Variants in PAQR6 observed in about 807,000 individuals in gnomAD.
PAQR6 encodes the protein membrane progestin receptor delta.
A neutral mutation model predicts 36.2 loss-of-function variants in PAQR6; 34 were observed. That is an observed-to-expected ratio of 0.94 (90% confidence interval 0.71 to 1.25). The LOEUF is 1.25. PAQR6 is among the 50% of genes most tolerant of loss of function. PAQR6 has a pLI of 0.00. For missense variants in PAQR6, 431 were observed against 445.7 expected, an observed-to-expected ratio of 0.97 and a Z score of 0.30; for synonymous variants, 190 against 190.7, an observed-to-expected ratio of 1.00 and a Z score of 0.03.
intron 1 of PAQR6, 120 bp downstream of exon 1, chr1:156,247,837 G>A (rs1660894071): frequency 5.8e-6 from 2 of 344,844 alleles, no homozygotes; most frequent in South Asian, 2.4e-5. Flanking sequence ...TTAGTAGTAG[G>A]GTTTGGAGAT....
At chr1:156,246,844 GC>G in intron 1 of PAQR6, 88 bp from the exon 2 acceptor site, 2 of 1,166,018 alleles carry the variant, frequency 1.7e-6, no homozygotes, top group Non-Finnish European at 2.4e-6. Context: ...GATGGGCTGT[GC>G]GTGTGGGAGG....
rs1204172082 is a variant in PAQR6 at position 156,245,867 on chromosome 1, G to A, written c.300C>T (p.Cys100=). ...PACLYPFASC[C]AHTFSSMSPR... is the part of the protein sequence containing the mutation. ...GCGACATGGAGCTGAAGGTGTGCGC[G>A]CAGCACGACGCGAAGGGGTAGAGGC... The change falls in exon 4 of 8, where the codon TGC becomes TGT. Residue 100 remains cysteine (C), a synonymous_variant. Coordinates refer to ENST00000292291, the MANE Select transcript of PAQR6 (RefSeq NM_198406.3). The A allele has an allele frequency of 1.9e-6, 3 of 1,602,284 alleles. No homozygotes were observed. Among genetic ancestry groups the A allele is most frequent in the Non-Finnish European group, 2.6e-6 (3 of 1,175,278 alleles).
intron 2 of PAQR6, 46 bp from the exon 3 acceptor site, chr1:156,246,296 T>C: frequency 6.6e-7 from 1 of 1,521,914 alleles, no homozygotes; most frequent in Non-Finnish European, 9.0e-7. Context: ...GCCCGGACCC[T>C]TTCCCTCCAT....
chr1:156,245,430 C>T, intron 5 of PAQR6, 105 bp downstream of exon 5: 2 of 1,522,916 alleles, frequency 1.3e-6, no homozygotes, highest in South Asian at 1.2e-5. Context: ...AGGAAGTCCT[C>T]AGTACATGGT....
rs1461520549 is a variant in PAQR6, at chr1:156,246,992, G to A, written c.-25-236C>T. On this transcript the variant is annotated intron_variant, in intron 1 of 7. Transcript: ENST00000292291. ...AGTCCCCACACTGAGGGGCTTGGCG[G>A]CCTCAGCCCAGCAAAGAGTGGCGGG... Among the ~76,000 whole-genome samples, 8 of 152,262 alleles carry A rather than the reference G, an allele frequency of 5.3e-5. No homozygotes were observed. In the East Asian group the frequency reaches 1.5e-3, roughly 29 times the overall value.
At position 156,243,865 on chromosome 1, in the gene PAQR6, C is replaced by A; in HGVS notation, c.*264G>T. On this transcript the variant is annotated 3_prime_UTR_variant, in exon 8 of 8. Coordinates refer to ENST00000292291, the MANE Select transcript of PAQR6 (RefSeq NM_198406.3). ...TGACAGAATATAGGGGCATCTTCAG[C>A]CTGGACACGCATGCATCTCCCCTCT... 6.3e-7 allele frequency: 1 copy of A among 1,593,030 alleles called. No homozygotes were observed. Among genetic ancestry groups the A allele is most frequent in the Non-Finnish European group, 8.6e-7 (1 of 1,165,388 alleles).
chr1:156,244,305 C>T lies in PAQR6; in HGVS notation c.859G>A (p.Ala287Thr), dbSNP rs1209232934. 1 of 1,612,980 alleles carries T rather than the reference C, an allele frequency of 6.2e-7. No individual in the cohort carries two copies. The highest frequency in any genetic ancestry group is 8.5e-7 in the Non-Finnish European group (1 of 1,179,828). The change falls in exon 8 of 8, where the codon GCC (alanine) becomes ACC (threonine). Residue 287 changes from alanine (A) to threonine (T), a missense_variant. Coordinates refer to ENST00000292291, the MANE Select transcript of PAQR6 (RefSeq NM_198406.3). ...AGGCCCAGGGCAGGTTCCTGTGTGG[C>T]CAGCCAGGCTCTGCGTGATCCCATA... Reference protein sequence around the residue: ...ADMGSRRAWLATQEPALGLAG... With the variant: ...ADMGSRRAWLTTQEPALGLAG...
In PAQR6 at chr1:156,245,611, C is replaced by G; in HGVS notation, c.436G>C (p.Gly146Arg). Reference protein sequence around the residue: ...AYSMPASWLHGHLHQFFVPAA... With the variant: ...AYSMPASWLHRHLHQFFVPAA... Reference sequence around the variant, plus strand: ...GGCACAAAGAACTGGTGCAGGTGGCCGTGCAGCCAGGAGGCCGGCATGGAG... The same window carrying G: ...GGCACAAAGAACTGGTGCAGGTGGCGGTGCAGCCAGGAGGCCGGCATGGAG... Residue 146 changes from glycine (G) to arginine (R), a missense_variant, in exon 5 of 8, where the codon GGC becomes CGC. By Grantham distance (125) the Gly-to-Arg change is moderately radical. Transcript: ENST00000292291. The G allele has an allele frequency of 6.2e-7, 1 of 1,613,190 alleles. No homozygotes were observed. The highest frequency in any genetic ancestry group is 8.5e-7 in the Non-Finnish European group (1 of 1,179,996).
chr1:156,245,465 G>A, intron 5 of PAQR6, 70 bp downstream of exon 5: 1 of 1,586,844 alleles, frequency 6.3e-7, no homozygotes, highest in Non-Finnish European at 8.6e-7. Context: ...TGCTGTTCGA[G>A]AGCAGTGAGG....
intron 6 of PAQR6, 48 bp downstream of exon 6, chr1:156,245,094 T>C (rs1165897619): frequency 6.2e-7 from 1 of 1,604,014 alleles, no homozygotes; most frequent in East Asian, 2.2e-5. Flanking sequence ...ACCTTGAGGG[T>C]CAGGACAGGA....
chr1:156,244,733 T>TC, intron 7 of PAQR6, 28 bp downstream of exon 7: 1 of 1,613,710 alleles, frequency 6.2e-7, no homozygotes, highest in Non-Finnish European at 8.5e-7. Context: ...CCCTGCCTCT[T>TC]CCCGGGCCGG....
intron 1 of PAQR6, 138 bp from the exon 2 acceptor site, chr1:156,246,894 C>T: frequency 1.4e-6 from 1 of 692,372 alleles, no homozygotes; most frequent in Non-Finnish European, 2.4e-6. Flanking sequence ...TTCCTTCAGG[C>T]CTGGGGAAGC....
chr1:156,245,082 G>A, intron 6 of PAQR6, 60 bp downstream of exon 6: 1 of 1,602,572 alleles, frequency 6.2e-7, no homozygotes, highest in East Asian at 2.2e-5. Flanking sequence ...CTGGAAGTGG[G>A]CACCTTGAGG....
At position 156,244,731 on chromosome 1, in the gene PAQR6, C is replaced by T. The variant is rs1659984980; in HGVS notation, c.760+30G>A. ...TCTGGGAAGGCATCTGCCCCTGCCT[C>T]TTCCCGGGCCGGGCCAGGCGTGCCC... On this transcript the variant is annotated intron_variant, in intron 7 of 7. Transcript: ENST00000292291. The T allele has an allele frequency of 4.3e-6, 7 of 1,613,698 alleles. No homozygotes were observed. The South Asian group carries it at 4.4e-5, about 10-fold the overall frequency.
In PAQR6 at chr1:156,245,205, C is replaced by G; in HGVS notation, c.546G>C (p.Lys182Asn). ...AGGCGAAGGCTCCTGTGCGGAGGAC[C>G]TTACTGAGCCCAGGGCTTTCCAGCT... ...FLELESPGLS[K>N]VLRTGAFAYP... Residue 182 changes from lysine (K) to asparagine (N), a missense_variant, in exon 6 of 8, where the codon AAG becomes AAC. Transcript: ENST00000292291. 6.2e-7 allele frequency: 1 copy of G among 1,614,138 alleles called. No homozygotes were observed. Among genetic ancestry groups the G allele is most frequent in the Non-Finnish European group, 8.5e-7 (1 of 1,180,026 alleles).
rs572442359 is a variant in PAQR6 at position 156,246,555 on chromosome 1, T to C, written c.51+126A>G. On this transcript the variant is annotated intron_variant, in intron 2 of 7. Transcript: ENST00000292291. ...AGAGAACAGAGGAAGAGTCTCACAC[T>C]GGAATGGGAGGGTAAGAGTTCGCCT... 85 of 1,119,794 alleles carry C rather than the reference T, an allele frequency of 7.6e-5. 1 individual carries two copies. The South Asian group carries it at 1.2e-3, about 16-fold the overall frequency. 69.4% of individuals were successfully genotyped at this position (1,119,794 alleles called of 1,614,324 possible).
In PAQR6 at chr1:156,243,839, T is replaced by C. The variant is rs748100466; in HGVS notation, c.*290A>G. ...CCCCAACACCTCCCCCCGCCAACCTTTGACAGAATATAGGGGCATCTTCAG... is the reference window on the plus strand; with the variant it reads ...CCCCAACACCTCCCCCCGCCAACCTCTGACAGAATATAGGGGCATCTTCAG... On this transcript the variant is annotated 3_prime_UTR_variant, in exon 8 of 8. Coordinates refer to ENST00000292291, the MANE Select transcript of PAQR6 (RefSeq NM_198406.3). 3.2e-6 allele frequency: 5 copies of C among 1,553,568 alleles called. No homozygotes were observed. The highest frequency in any genetic ancestry group is 4.4e-6 in the Non-Finnish European group (5 of 1,146,856).
rs1433304550 is a variant in PAQR6 at position 156,243,991 on chromosome 1, C to G, written c.*138G>C. On this transcript the variant is annotated 3_prime_UTR_variant, in exon 8 of 8. Coordinates refer to ENST00000292291, the MANE Select transcript of PAQR6 (RefSeq NM_198406.3). ...ACACCCCTCCTCTTCTCTGCCCTCT[C>G]TCCTGTGCCCTCTCTCCTCAGCCCC... 3 of 1,614,210 alleles carry G rather than the reference C, an allele frequency of 1.9e-6. No individual in the cohort carries two copies. Among genetic ancestry groups the G allele is most frequent in the Non-Finnish European group, 2.5e-6 (3 of 1,180,030 alleles).
At chr1:156,244,579 T>G in intron 7 of PAQR6, 176 bp from the exon 8 acceptor site, 1 of 1,422,122 alleles carries the variant, frequency 7.0e-7, no homozygotes, top group East Asian at 2.5e-5. Flanking sequence ...CTAGTTTTGC[T>G]ACCTGAGAAG....
Sources: gnomAD v4.1 joint callset for allele counts (sites outside exome capture counted in the v4.1 genomes callset) on GRCh38, gnomAD v4.1.1 for gene constraint, MANE v1.5 for transcripts, NCBI Gene and HGNC (gene_info 2026-07-23, HGNC 2026-07-21) for gene names.